Variants in USP54 observed in about 807,000 individuals in gnomAD.
The protein encoded by USP54 is ubiquitin specific peptidase 54.
A neutral mutation model predicts 170.5 loss-of-function variants in USP54; 87 were observed. The ratio of observed to expected loss-of-function variants is 0.51; its 90% CI spans 0.43 to 0.61. The LOEUF is 0.61. Ranked by LOEUF, USP54 falls within the 20% of genes least tolerant of loss-of-function variation. The pLI is 0.00. For missense variants in USP54, 1,786 were observed against 2,047.8 expected, an observed-to-expected ratio of 0.87 and a Z score of 2.47; for synonymous variants, 655 against 742.8, an observed-to-expected ratio of 0.88 and a Z score of 1.92.
intron 4 of USP54, among the ~76,000 whole-genome samples, chr10:73,571,180 A>G (rs941630710): frequency 6.6e-6 from 1 of 151,156 alleles, no homozygotes; most frequent in East Asian, 1.9e-4. Flanking sequence ...GCATACTTGC[A>G]TAGTATTCTA....
intron 7 of USP54, among the ~76,000 whole-genome samples, chr10:73,542,178 A>C (rs1183475485): frequency 2.0e-5 from 3 of 152,118 alleles, no homozygotes; most frequent in African/African-American, 7.2e-5. Flanking sequence ...AGCTCACAGA[A>C]ACCTCCGCCT....
chr10:73,533,261 G>A (rs1016010655), intron 12 of USP54, among the ~76,000 whole-genome samples: 3 of 151,804 alleles, frequency 2.0e-5, no homozygotes, highest in Non-Finnish European at 4.4e-5. Flanking sequence ...AGCCAAGATC[G>A]TGCCACTGCA....
intron 1 of USP54, among the ~76,000 whole-genome samples, chr10:73,619,441 T>C (rs953897823): frequency 6.8e-6 from 1 of 146,848 alleles, no homozygotes; most frequent in Non-Finnish European, 1.5e-5. Context: ...CATTTTGCCA[T>C]ACCCAGGATG....
intron 4 of USP54, among the ~76,000 whole-genome samples, chr10:73,550,267 A>G (rs971799098): frequency 3.9e-5 from 6 of 152,082 alleles, no homozygotes; most frequent in African/African-American, 1.4e-4. Flanking sequence ...CTGGCCCCTC[A>G]CTATGCCCCA....
At chr10:73,523,443 T>A in intron 17 of USP54, 140 bp downstream of exon 17, 1 of 1,033,446 alleles carries the variant, frequency 9.7e-7, no homozygotes. Flanking sequence ...TACTCTAACT[T>A]GTTCTCACTG....
intron 4 of USP54, among the ~76,000 whole-genome samples, chr10:73,569,926 A>AC (rs2074735997): frequency 2.2e-5 from 3 of 134,564 alleles, no homozygotes; most frequent in Non-Finnish European, 5.0e-5. Flanking sequence ...AAAAAAAAAA[A>AC]AAAAAAAAAA....
At chr10:73,594,237 GT>G (rs1425300348), upstream of USP54, among the ~76,000 whole-genome samples, 2 of 151,774 alleles carry the variant, frequency 1.3e-5, no homozygotes, top group African/African-American at 4.8e-5. Context: ...CACCCAGCTA[GT>G]TTTTGTATTT....
intron 4 of USP54, among the ~76,000 whole-genome samples, chr10:73,566,939 C>T (rs565956769): frequency 1.3e-4 from 19 of 151,988 alleles, no homozygotes; most frequent in South Asian, 1.3e-3. Flanking sequence ...TGCAGTGGCA[C>T]GATCCTGGCT....
At chr10:73,612,303 T>C (rs184465723) in intron 1 of USP54, among the ~76,000 whole-genome samples, 2 of 152,280 alleles carry the variant, frequency 1.3e-5, no homozygotes, top group Admixed American at 1.3e-4. Context: ...ATTAAATGAA[T>C]ACCAGAATTT....
chr10:73,517,299 C>T lies in USP54; in HGVS notation c.3127G>A (p.Ala1043Thr), dbSNP rs1294010970. 1 of 1,612,744 alleles carries T rather than the reference C, an allele frequency of 6.2e-7. No homozygotes were observed. The highest frequency in any genetic ancestry group is 8.5e-7 in the Non-Finnish European group (1 of 1,179,388). Reference sequence around the variant, plus strand: ...TGTTCATCACCCCTCTCAGAGGTGGCTATTCCAGGCATCACCGGGGAGGGG... The same window carrying T: ...TGTTCATCACCCCTCTCAGAGGTGGTTATTCCAGGCATCACCGGGGAGGGG... ...ANPSPVMPGI[A>T]TSERGDEHSL... The change falls in exon 20 of 24, where the codon GCC becomes ACC. Residue 1043 changes from alanine to threonine, a missense_variant. Transcript: ENST00000687698.
chr10:73,539,543 T>A lies in USP54; in HGVS notation c.876A>T (p.Leu292Phe). Residue 292 changes from leucine to phenylalanine, a missense_variant, in exon 10 of 24, where the codon TTA becomes TTT. This residue lies in a region of USP54 where 361 missense variants were observed against 455.0 expected (regional missense o/e 0.79). Transcript: ENST00000687698. The stretch of plus-strand genomic sequence containing the variant: ...TGCCATAGTAACAGATCATTCCAAC[T>A]AAGTACAGTTCAGATTGCTTGGCCC... ...DDRAKQSELY[L>F]VGMICYYGKH... 6.2e-7 allele frequency: 1 copy of A among 1,611,990 alleles called. No individual in the cohort carries two copies. The highest frequency in any genetic ancestry group is 8.5e-7 in the Non-Finnish European group (1 of 1,178,620).
intron 1 of USP54, among the ~76,000 whole-genome samples, chr10:73,578,979 C>T (rs2076504707): frequency 6.9e-6 from 1 of 144,750 alleles, no homozygotes; most frequent in Non-Finnish European, 1.5e-5. Flanking sequence ...CTCCCTCTGT[C>T]GCCCAGGTTG....
chr10:73,569,175 G>GT (rs1159945537), intron 4 of USP54, among the ~76,000 whole-genome samples: 5 of 151,986 alleles, frequency 3.3e-5, no homozygotes, highest in South Asian at 2.1e-4. Context: ...CCCCAAACAC[G>GT]TTTTTTTGTT....
At chr10:73,603,667 T>C (rs1400260454) in intron 1 of USP54, among the ~76,000 whole-genome samples, 1 of 150,994 alleles carries the variant, frequency 6.6e-6, no homozygotes, top group Non-Finnish European at 1.5e-5. Flanking sequence ...AGAAGCACTT[T>C]AACCCGGGAG....
intron 1 of USP54, among the ~76,000 whole-genome samples, chr10:73,621,853 T>C (rs2098031899): frequency 3.9e-5 from 6 of 152,208 alleles, no homozygotes; most frequent in Admixed American, 3.9e-4. Flanking sequence ...AAATTTTGTA[T>C]TTAGCACCAT....
intron 22 of USP54, among the ~76,000 whole-genome samples, chr10:73,501,810 G>A (rs1393332823): frequency 2.0e-5 from 3 of 151,992 alleles, no homozygotes; most frequent in Admixed American, 6.6e-5. Flanking sequence ...TATACTTCCT[G>A]TTTCTGTTAC....
At chr10:73,604,878 C>T (rs925612939) in intron 1 of USP54, among the ~76,000 whole-genome samples, 2 of 152,072 alleles carry the variant, frequency 1.3e-5, no homozygotes, top group African/African-American at 4.8e-5. Context: ...AGCAAAAGAA[C>T]AAAGCTTCCA....
chr10:73,532,371 T>G (rs1283500239), intron 12 of USP54, among the ~76,000 whole-genome samples: 2 of 152,120 alleles, frequency 1.3e-5, no homozygotes, highest in Non-Finnish European at 2.9e-5. Context: ...GAGACGGGGT[T>G]TCACCATGTT....
At chr10:73,566,131 G>A (rs1306462559) in intron 4 of USP54, among the ~76,000 whole-genome samples, 2 of 152,148 alleles carry the variant, frequency 1.3e-5, no homozygotes, top group East Asian at 3.9e-4. Context: ...TCGGGAGGAT[G>A]AGGCAGAAGA....
Sources: allele counts gnomAD v4.1 joint callset (sites outside exome capture counted in the v4.1 genomes callset), GRCh38; gene constraint gnomAD v4.1.1; regional missense constraint gnomAD v4.1.1; transcripts MANE v1.5; gene names NCBI Gene and HGNC (gene_info 2026-07-23, HGNC 2026-07-21).